The following DGKB variants were observed in gnomAD, a reference collection of about 807,000 sequenced individuals.
The protein encoded by DGKB is diacylglycerol kinase beta, also known as 90 kDa diacylglycerol kinase.
DGKB carries 67 observed loss-of-function variants against 114.3 expected under a neutral mutation model. That is an observed-to-expected ratio of 0.59 (90% CI 0.48 to 0.72). DGKB has a LOEUF of 0.72. Among genes scored for constraint, DGKB ranks in the 30% least tolerant of loss-of-function variants. The probability of loss-of-function intolerance (pLI) is 0.00; values close to 1 mark genes in which losing one functional copy is unlikely to be tolerated. For missense variants in DGKB, 907 were observed against 975.2 expected (o/e 0.93, Z 0.93); for synonymous variants, 398 against 323.1 (o/e 1.23, Z -2.49).
At chr7:14,758,672 G>C (rs1286626795) in intron 2 of DGKB, among the ~76,000 whole-genome samples, 1 of 152,064 alleles carries the variant, frequency 6.6e-6, no homozygotes, top group East Asian at 1.9e-4. Context: ...CCTTCCCTAA[G>C]AGTCAGTGAT....
chr7:14,295,483 A>G (rs1258850453), intron 23 of DGKB, among the ~76,000 whole-genome samples: 1 of 152,124 alleles, frequency 6.6e-6, no homozygotes, highest in Non-Finnish European at 1.5e-5. Flanking sequence ...ACAAGAGTCT[A>G]TTCAAAGTCC....
intron 1 of DGKB, among the ~76,000 whole-genome samples, chr7:14,865,179 A>T (rs1434857969): frequency 6.6e-6 from 1 of 152,242 alleles, no homozygotes; most frequent in Admixed American, 6.5e-5. Context: ...TGTTAGGGTT[A>T]AGAAAAAATG....
At chr7:14,549,926 T>G (rs1254017736) in intron 20 of DGKB, among the ~76,000 whole-genome samples, 1 of 151,844 alleles carries the variant, frequency 6.6e-6, no homozygotes, top group African/African-American at 2.4e-5. Context: ...GAGGTGGAGG[T>G]TGCAGTGAGC....
At chr7:14,803,627 T>C (rs943562764) in intron 2 of DGKB, among the ~76,000 whole-genome samples, 3 of 151,818 alleles carry the variant, frequency 2.0e-5, no homozygotes, top group African/African-American at 7.3e-5. Flanking sequence ...TTTGAATTTA[T>C]TATGATTGCT....
At chr7:14,545,760 A>G (rs1207392507) in intron 20 of DGKB, among the ~76,000 whole-genome samples, 2 of 152,184 alleles carry the variant, frequency 1.3e-5, no homozygotes, top group Admixed American at 1.3e-4. Flanking sequence ...CTGATCTGAC[A>G]TCGTATACTG....
At chr7:14,901,088 A>C (rs1782975136) in intron 1 of DGKB, among the ~76,000 whole-genome samples, 1 of 152,172 alleles carries the variant, frequency 6.6e-6, no homozygotes, top group African/African-American at 2.4e-5. Flanking sequence ...TGTAGACTTT[A>C]TGCACAGGGA....
chr7:14,841,631 C>A (rs1847947623), intron 1 of DGKB, among the ~76,000 whole-genome samples, 181 bp from the exon 2 acceptor site: 1 of 152,150 alleles, frequency 6.6e-6, no homozygotes, highest in Non-Finnish European at 1.5e-5. Flanking sequence ...GTTTTACAAA[C>A]TCCACATTCC....
chr7:14,637,797 T>C (rs1448592306), intron 13 of DGKB, among the ~76,000 whole-genome samples: 3 of 152,056 alleles, frequency 2.0e-5, no homozygotes, highest in East Asian at 3.9e-4. Context: ...CTAAAATTTT[T>C]TTAGAATTTC....
At chr7:14,830,486 C>A (rs1846264278) in intron 2 of DGKB, among the ~76,000 whole-genome samples, 1 of 152,104 alleles carries the variant, frequency 6.6e-6, no homozygotes, top group Non-Finnish European at 1.5e-5. Flanking sequence ...ACTCTCCTTT[C>A]AAAGTCAAAG....
intron 23 of DGKB, among the ~76,000 whole-genome samples, chr7:14,206,231 G>A (rs1485327891): frequency 6.6e-6 from 1 of 151,984 alleles, no homozygotes; most frequent in East Asian, 1.9e-4. Context: ...CATGATAGGG[G>A]TTATGACAGG....
At chr7:14,407,388 T>C (rs895734467) in intron 21 of DGKB, among the ~76,000 whole-genome samples, 1 of 152,090 alleles carries the variant, frequency 6.6e-6, no homozygotes, top group Non-Finnish European at 1.5e-5. Flanking sequence ...GGTTTGACTA[T>C]TTTCAGTTGA....
intron 18 of DGKB, among the ~76,000 whole-genome samples, chr7:14,582,300 T>A (rs1800046712): frequency 6.6e-6 from 1 of 152,206 alleles, no homozygotes; most frequent in Non-Finnish European, 1.5e-5. Context: ...TGACTAGATC[T>A]GAAAAAGCAA....
At chr7:14,911,838 G>A (rs1784022031) in intron 1 of DGKB, among the ~76,000 whole-genome samples, 1 of 152,124 alleles carries the variant, frequency 6.6e-6, no homozygotes, top group Non-Finnish European at 1.5e-5. Flanking sequence ...AAAATTAATG[G>A]ACCATTCTCT....
upstream of DGKB, among the ~76,000 whole-genome samples, chr7:14,907,765 A>G (rs1320757909): frequency 1.3e-5 from 2 of 152,198 alleles, no homozygotes; most frequent in Non-Finnish European, 2.9e-5. Context: ...AGGCAATTTT[A>G]AATCAGAAAG....
intron 14 of DGKB, among the ~76,000 whole-genome samples, chr7:14,622,861 A>G (rs1807911658): frequency 6.6e-6 from 1 of 152,146 alleles, no homozygotes; most frequent in Non-Finnish European, 1.5e-5. Context: ...TCTGCTGGAA[A>G]ACTTGCCACT....
intron 23 of DGKB, among the ~76,000 whole-genome samples, chr7:14,332,760 G>T (rs1414774246): frequency 6.6e-6 from 1 of 152,148 alleles, no homozygotes; most frequent in Non-Finnish European, 1.5e-5. Context: ...TGGAGTCCTT[G>T]CTGGGTTTTG....
chr7:14,415,422 C>G (rs975367673), intron 21 of DGKB, among the ~76,000 whole-genome samples: 17 of 150,876 alleles, frequency 1.1e-4, no homozygotes, highest in Non-Finnish European at 2.2e-4. Flanking sequence ...CCTCCCCACT[C>G]CCCCCACCCC....
At chr7:14,520,809 G>C (rs1204375762) in intron 20 of DGKB, among the ~76,000 whole-genome samples, 1 of 151,878 alleles carries the variant, frequency 6.6e-6, no homozygotes, top group African/African-American at 2.4e-5. Context: ...CATTTGGTAG[G>C]GTGTTTAATA....
intron 20 of DGKB, among the ~76,000 whole-genome samples, chr7:14,528,486 C>T (rs1791005971): frequency 6.6e-6 from 1 of 151,966 alleles, no homozygotes. Flanking sequence ...GTCTTTTAAA[C>T]TGTGGGCTTA....
Sources: allele counts gnomAD v4.1 joint callset (sites outside exome capture counted in the v4.1 genomes callset), GRCh38; gene constraint gnomAD v4.1.1; transcripts MANE v1.5; gene names NCBI Gene and HGNC (gene_info 2026-07-23, HGNC 2026-07-21).